AGBL4: variants seen among roughly 807,000 people sequenced by gnomAD.
AGBL4 encodes the protein AGBL carboxypeptidase 4.
In AGBL4, 58 loss-of-function variants were observed where a neutral mutation model predicts 66.4. The observed-to-expected ratio is 0.87, with a 90% confidence interval of 0.71 to 1.09. The LOEUF (loss-of-function observed/expected upper bound fraction) is 1.09. AGBL4 is among the 50% of genes least tolerant of loss of function. The probability of loss-of-function intolerance (pLI) is 0.00; values close to 1 mark genes in which losing one functional copy is unlikely to be tolerated. For missense variants in AGBL4, 579 were observed against 631.0 expected (o/e 0.92, Z 0.88); for synonymous variants, 234 against 222.9 (o/e 1.05, Z -0.44).
At chr1:49,703,381 T>C (rs1432146581) in intron 2 of AGBL4, among the ~76,000 whole-genome samples, 2 of 151,978 alleles carry the variant, frequency 1.3e-5, no homozygotes, top group African/African-American at 2.4e-5. Flanking sequence ...GCCAATAGAT[T>C]TAATCCAAGA....
At chr1:49,309,029 G>A (rs1226734427) in intron 3 of AGBL4, among the ~76,000 whole-genome samples, 2 of 151,964 alleles carry the variant, frequency 1.3e-5, no homozygotes, top group Non-Finnish European at 2.9e-5. Flanking sequence ...GTTTGATATT[G>A]ACCAACTCAA....
intron 3 of AGBL4, among the ~76,000 whole-genome samples, chr1:49,478,367 A>G (rs1377796312): frequency 6.6e-6 from 1 of 152,042 alleles, no homozygotes; most frequent in Non-Finnish European, 1.5e-5. Flanking sequence ...AAGAAATAAC[A>G]TATAAGGAAT....
At chr1:48,650,897 CTG>C (rs1645919214) in intron 8 of AGBL4, among the ~76,000 whole-genome samples, 1 of 152,164 alleles carries the variant, frequency 6.6e-6, no homozygotes, top group African/African-American at 2.4e-5. Context: ...TTGCTTAACT[CTG>C]TGTTTCCTAA....
chr1:48,808,634 C>T (rs1271320858), intron 6 of AGBL4, among the ~76,000 whole-genome samples: 1 of 151,852 alleles, frequency 6.6e-6, no homozygotes, highest in Non-Finnish European at 1.5e-5. Flanking sequence ...GGTGTCAGAT[C>T]TAATGTGTAA....
At chr1:49,853,317 T>C (rs1646351621) in intron 1 of AGBL4, among the ~76,000 whole-genome samples, 1 of 152,042 alleles carries the variant, frequency 6.6e-6, no homozygotes, top group Admixed American at 6.5e-5. Context: ...CAAAAGGAAA[T>C]GATAAAACCA....
chr1:49,952,088 G>C (rs958579304), intron 1 of AGBL4, among the ~76,000 whole-genome samples: 2 of 151,714 alleles, frequency 1.3e-5, no homozygotes, highest in Non-Finnish European at 2.9e-5. Flanking sequence ...TAGTGATAAT[G>C]GTTGTACAAC....
At chr1:48,606,314 A>C (rs1645153224) in intron 9 of AGBL4, among the ~76,000 whole-genome samples, 1 of 152,182 alleles carries the variant, frequency 6.6e-6, no homozygotes, top group Non-Finnish European at 1.5e-5. Context: ...GGATTTGCTC[A>C]TTCTTTGTAA....
intron 3 of AGBL4, among the ~76,000 whole-genome samples, chr1:49,456,905 G>A (rs1324683111): frequency 1.3e-5 from 2 of 151,392 alleles, no homozygotes. Flanking sequence ...CCACTATTTT[G>A]TTTCTTTTTA....
At chr1:50,001,063 CTA>C (rs1660714868) in intron 1 of AGBL4, among the ~76,000 whole-genome samples, 1 of 150,714 alleles carries the variant, frequency 6.6e-6, no homozygotes, top group Admixed American at 6.6e-5. Context: ...CATTTTAAAA[CTA>C]GATATTTGAT....
chr1:49,085,150 C>CA (rs1212831585), intron 4 of AGBL4, among the ~76,000 whole-genome samples: 2 of 151,956 alleles, frequency 1.3e-5, no homozygotes, highest in Non-Finnish European at 2.9e-5. Flanking sequence ...GTAAATAAAA[C>CA]AAAAAAGCAG....
intron 4 of AGBL4, among the ~76,000 whole-genome samples, chr1:49,074,586 C>T (rs6665118): frequency 0.18 from 27,638 of 152,108 alleles, 3,119 homozygotes; most frequent in East Asian, 0.41. Flanking sequence ...TCTTGTTTAA[C>T]CTTCAGAGTA....
chr1:49,798,663 C>A (rs1207219573), intron 2 of AGBL4, among the ~76,000 whole-genome samples: 1 of 152,056 alleles, frequency 6.6e-6, no homozygotes, highest in Non-Finnish European at 1.5e-5. Flanking sequence ...GTTCTTATTG[C>A]TTTCTTTATG....
chr1:49,386,332 C>G (rs1038044275), intron 3 of AGBL4, among the ~76,000 whole-genome samples: 4 of 151,106 alleles, frequency 2.6e-5, no homozygotes, highest in Non-Finnish European at 4.4e-5. Flanking sequence ...CATGGTGTAA[C>G]CATGCAATTG....
At chr1:48,909,054 T>G (rs757620318) in intron 5 of AGBL4, among the ~76,000 whole-genome samples, 1 of 152,152 alleles carries the variant, frequency 6.6e-6, no homozygotes, top group East Asian at 1.9e-4. Context: ...ACTAGCAGTA[T>G]AGCAGATTTA....
chr1:49,173,680 A>G lies in AGBL4; in HGVS notation c.377+72090T>C, dbSNP rs1646779274. ...GAGTAATAAGTATGGTAAGAGAATA[A>G]TGATTGAGGGTTGGGGTTACAATTT... On this transcript the variant is annotated intron_variant, in intron 4 of 13. Transcript: ENST00000371839. Among the ~76,000 whole-genome samples the G allele has an allele frequency of 5.3e-5, 8 of 152,316 alleles. No homozygotes were observed. The South Asian group carries it at 1.7e-3, about 32-fold the overall frequency.
At chr1:49,228,705 A>G (rs1466064888) in intron 4 of AGBL4, among the ~76,000 whole-genome samples, 4 of 152,140 alleles carry the variant, frequency 2.6e-5, no homozygotes, top group Non-Finnish European at 5.9e-5. Context: ...GTTTTAAAAG[A>G]TCATGCCACT....
At chr1:49,195,187 C>T (rs894727199) in intron 4 of AGBL4, among the ~76,000 whole-genome samples, 1 of 152,032 alleles carries the variant, frequency 6.6e-6, no homozygotes, top group African/African-American at 2.4e-5. Context: ...TTGCGGAGTT[C>T]TGTTATGTTT....
chr1:49,644,507 T>A lies in AGBL4; in HGVS notation c.282+52806A>T, dbSNP rs1405964809. Among the ~76,000 whole-genome samples, 6 of 151,560 alleles carry A rather than the reference T, an allele frequency of 4.0e-5. No individual in the cohort carries two copies. The East Asian group carries it at 1.2e-3, about 29-fold the overall frequency. The stretch of plus-strand genomic sequence containing the variant: ...CTAAAAGAAAGCAGGAATGTCTATA[T>A]TAATATCAAAGTCAAATTTTAAAGG... On this transcript the variant is annotated intron_variant, in intron 3 of 13. Transcript: ENST00000371839.
At chr1:49,125,605 A>C (rs536125230) in intron 4 of AGBL4, among the ~76,000 whole-genome samples, 4 of 152,310 alleles carry the variant, frequency 2.6e-5, no homozygotes, top group African/African-American at 9.6e-5. Context: ...AGTGTAAAAA[A>C]CTAATAAAAT....
Sources: allele counts gnomAD v4.1 joint callset (sites outside exome capture counted in the v4.1 genomes callset), GRCh38; gene constraint gnomAD v4.1.1; transcripts MANE v1.5; gene names NCBI Gene and HGNC (gene_info 2026-07-23, HGNC 2026-07-21).